BTBD8: variants seen among roughly 807,000 people sequenced by gnomAD.
The protein encoded by BTBD8 is BTB/POZ domain-containing protein 8.
In BTBD8, 110 loss-of-function variants were observed where a neutral mutation model predicts 162.9. That is an observed-to-expected ratio of 0.68 (90% CI 0.58 to 0.79). The LOEUF (loss-of-function observed/expected upper bound fraction) is 0.79, where lower values mean the gene tolerates loss of function less well. Ranked by LOEUF, BTBD8 falls within the 30% of genes least tolerant of loss-of-function variation. The pLI is 0.00. For missense variants in BTBD8, 1,905 were observed against 2,085.4 expected (o/e 0.91, Z 1.68); for synonymous variants, 667 against 716.1 (o/e 0.93, Z 1.10).
intron 9 of BTBD8, among the ~76,000 whole-genome samples, chr1:92,155,253 G>T (rs1036369004): frequency 6.6e-6 from 1 of 152,096 alleles, no homozygotes; most frequent in Non-Finnish European, 1.5e-5. Flanking sequence ...TTGTGGTTCC[G>T]TATGAATTTT....
chr1:92,171,325 C>T, intron 12 of BTBD8, 74 bp from the exon 13 acceptor site: 2 of 1,076,120 alleles, frequency 1.9e-6, no homozygotes, highest in East Asian at 2.8e-5. Flanking sequence ...TTTCTACTGA[C>T]ATACTATTTT....
intron 4 of BTBD8, among the ~76,000 whole-genome samples, chr1:92,124,416 C>T (rs987880362): frequency 2.6e-5 from 4 of 152,138 alleles, no homozygotes; most frequent in African/African-American, 4.8e-5. Flanking sequence ...AATATTGTTC[C>T]GTGTATCTCA....
At position 92,182,389 on chromosome 1, in the gene BTBD8, G is replaced by A. The variant is rs1407735638; in HGVS notation, c.4706G>A (p.Arg1569His). The change falls in exon 17 of 18, where the codon CGC becomes CAC. Residue 1569 changes from arginine to histidine, a missense_variant. Coordinates refer to ENST00000636805, the MANE Select transcript of BTBD8 (RefSeq NM_001376131.1). ...AATGTGGAAAATGACATTCAGCAAC[G>A]CAGCAAATTCTTGGATAGTGATGTA... ...GSNVENDIQQRSKFLDSDVKS... is the reference protein window; with the variant it reads ...GSNVENDIQQHSKFLDSDVKS... 8 of 1,549,348 alleles carry A rather than the reference G, an allele frequency of 5.2e-6. No homozygotes were observed. The highest frequency in any genetic ancestry group is 1.7e-4 in the Middle Eastern group (1 of 5,998).
intron 3 of BTBD8, among the ~76,000 whole-genome samples, chr1:92,103,213 G>C (rs979125026): frequency 1.3e-5 from 2 of 152,326 alleles, no homozygotes; most frequent in East Asian, 1.9e-4. Context: ...ACAAGTGTTA[G>C]AGCGGAATTG....
At chr1:92,100,941 A>G (rs554624683) in intron 2 of BTBD8, among the ~76,000 whole-genome samples, 7 of 152,128 alleles carry the variant, frequency 4.6e-5, no homozygotes, top group African/African-American at 1.7e-4. Flanking sequence ...ATTTATTTCC[A>G]TAGGTTTGTG....
At chr1:92,173,623 G>A (rs1200512005) in intron 13 of BTBD8, among the ~76,000 whole-genome samples, 1 of 152,176 alleles carries the variant, frequency 6.6e-6, no homozygotes, top group Non-Finnish European at 1.5e-5. Flanking sequence ...AGAACAATGG[G>A]AAGGAAGGAA....
chr1:92,171,336 T>C (rs1476402629), intron 12 of BTBD8, 63 bp from the exon 13 acceptor site: 1 of 1,224,356 alleles, frequency 8.2e-7, no homozygotes, highest in African/African-American at 1.5e-5. Context: ...ATACTATTTT[T>C]CCTTTACTTC....
intron 4 of BTBD8, chr1:92,115,765 A>G (rs141276288): frequency 6.1e-4 from 144 of 236,246 alleles, no homozygotes; most frequent in Admixed American, 1.3e-3. Flanking sequence ...CAGGCACCCA[A>G]TATAGCCAAT....
intron 9 of BTBD8, among the ~76,000 whole-genome samples, chr1:92,154,053 T>C (rs1650103375): frequency 2.0e-5 from 3 of 152,106 alleles, no homozygotes; most frequent in Non-Finnish European, 4.4e-5. Flanking sequence ...TCTGGTTGTT[T>C]GAGAAGGAGC....
chr1:92,081,014 A>T (rs1647998730), intron 1 of BTBD8, among the ~76,000 whole-genome samples: 1 of 152,260 alleles, frequency 6.6e-6, no homozygotes, highest in Non-Finnish European at 1.5e-5. Context: ...AGGCACGCTT[A>T]GTTGTTTCCA....
intron 6 of BTBD8, chr1:92,139,858 G>A (rs1649725171): frequency 6.7e-6 from 1 of 149,448 alleles, no homozygotes; most frequent in African/African-American, 2.5e-5. Flanking sequence ...TGAGGCTGAG[G>A]CGGACGGATC....
At chr1:92,179,982 A>G (rs1650836518) in intron 16 of BTBD8, among the ~76,000 whole-genome samples, 1 of 152,150 alleles carries the variant, frequency 6.6e-6, no homozygotes, top group Admixed American at 6.5e-5. Context: ...CAGTTTTGGC[A>G]TAAAAATCAA....
chr1:92,168,778 T>C, intron 11 of BTBD8, 88 bp from the exon 12 acceptor site: 1 of 1,240,400 alleles, frequency 8.1e-7, no homozygotes, highest in Non-Finnish European at 1.1e-6. Flanking sequence ...TGATCTAGCT[T>C]AGGAGTAAGT....
chr1:92,168,954 G>A lies in BTBD8; in HGVS notation c.1532G>A (p.Trp511Ter). 1 of 1,542,934 alleles carries A rather than the reference G, an allele frequency of 6.5e-7. No individual in the cohort carries two copies. The highest frequency in any genetic ancestry group is 8.8e-7 in the Non-Finnish European group (1 of 1,140,606). Residue 511 changes from tryptophan to a stop codon, truncating the protein, a stop_gained, in exon 12 of 18, where the codon TGG becomes TAG. Transcript: ENST00000636805. LOFTEE classifies it high-confidence loss of function. Reference sequence around the variant, plus strand: ...TATGCTGTTCGTCACACAGAAAGCTGGAAGCTGATGAGCACAGATGATCAA... The same window carrying A: ...TATGCTGTTCGTCACACAGAAAGCTAGAAGCTGATGAGCACAGATGATCAA... ...SFYAVRHTES[W>*]KLMSTDDQQK...
At chr1:92,146,532 A>G (rs907288152) in intron 7 of BTBD8, among the ~76,000 whole-genome samples, 1 of 152,248 alleles carries the variant, frequency 6.6e-6, no homozygotes, top group Non-Finnish European at 1.5e-5. Context: ...ATACACATGT[A>G]TAATGACATG....
intron 15 of BTBD8, 77 bp downstream of exon 15, chr1:92,177,975 T>C: frequency 1.5e-6 from 1 of 659,662 alleles, no homozygotes; most frequent in South Asian, 2.3e-5. Context: ...GCTAGCTAAA[T>C]ATTTTTAAAA....
rs773745854 is a variant in BTBD8 at position 92,108,018 on chromosome 1, G to A, written c.662+17G>A. The A allele has an allele frequency of 5.0e-6, 8 of 1,591,888 alleles. No individual in the cohort carries two copies. The South Asian group carries it at 7.7e-5, about 15-fold the overall frequency. On this transcript the variant is annotated intron_variant, in intron 4 of 17. Transcript: ENST00000636805. ...AGCTCACAGGTAAATAGACACGACT[G>A]ATTTGCTGTCTTGGTTGTGGCTGTA...
chr1:92,135,467 C>T (rs1007097130), intron 5 of BTBD8, among the ~76,000 whole-genome samples: 5 of 152,144 alleles, frequency 3.3e-5, no homozygotes, highest in Non-Finnish European at 7.3e-5. Flanking sequence ...GTCCTAAAAT[C>T]GGTTTTTCTT....
intron 2 of BTBD8, among the ~76,000 whole-genome samples, chr1:92,102,189 G>A (rs1214992595): frequency 6.6e-6 from 1 of 151,824 alleles, no homozygotes; most frequent in African/African-American, 2.4e-5. Context: ...GCTAATTTTT[G>A]TATTTTTTTA....
Sources: gnomAD v4.1 joint callset for allele counts (sites outside exome capture counted in the v4.1 genomes callset) on GRCh38, gnomAD v4.1.1 for gene constraint, MANE v1.5 for transcripts, NCBI Gene and HGNC (gene_info 2026-07-23, HGNC 2026-07-21) for gene names.